Variants in DNAJC10 observed in about 807,000 individuals in gnomAD.
DNAJC10 encodes the protein endoplasmic reticulum disulfide reductase DNAJC10.
Under a neutral mutation model 115.0 loss-of-function variants are expected in DNAJC10, and 101 were observed. That is an observed-to-expected ratio of 0.88 (90% CI 0.75 to 1.04). DNAJC10 has a LOEUF of 1.04. Ranked by LOEUF, DNAJC10 falls within the 50% of genes least tolerant of loss-of-function variation. The pLI is 0.00. For synonymous variants in DNAJC10, 307 were observed against 301.5 expected (o/e 1.02, Z -0.19); for missense variants, 981 against 928.8 (o/e 1.06, Z -0.73).
chr2:182,757,344 C>A (rs539896419), intron 18 of DNAJC10, among the ~76,000 whole-genome samples: 1 of 152,120 alleles, frequency 6.6e-6, no homozygotes, highest in African/African-American at 2.4e-5. Flanking sequence ...ACATTAGACA[C>A]CTACAAAGCT....
chr2:182,740,399 T>C lies in DNAJC10; in HGVS notation c.1077+11T>C. 6.4e-7 allele frequency: 1 copy of C among 1,553,832 alleles called. No individual in the cohort carries two copies. Among genetic ancestry groups the C allele is most frequent in the Non-Finnish European group, 8.6e-7 (1 of 1,158,470 alleles). On this transcript the variant is annotated intron_variant, in intron 12 of 23. Coordinates refer to ENST00000264065, the MANE Select transcript of DNAJC10 (RefSeq NM_018981.4). The stretch of plus-strand genomic sequence containing the variant: ...GCAAACACACTAGAGGTAATGTTTT[T>C]ATTAATAATGATAAGTAGCAATGAA...
At position 182,757,840 on chromosome 2, in the gene DNAJC10, A is replaced by G; in HGVS notation, c.1943+15A>G. ...TATCATTATCAGTAAGTATTCTCTC[A>G]TATTTGAAGACATTTATTATAATTA... On this transcript the variant is annotated intron_variant, in intron 19 of 23. Coordinates refer to ENST00000264065, the MANE Select transcript of DNAJC10 (RefSeq NM_018981.4). 1 of 1,336,452 alleles carries G rather than the reference A, an allele frequency of 7.5e-7. No individual in the cohort carries two copies. The highest frequency in any genetic ancestry group is 1.0e-6 in the Non-Finnish European group (1 of 957,894). 82.8% of individuals were successfully genotyped at this position (1,336,452 alleles called of 1,614,324 possible). A position where few individuals can be genotyped will look rare whatever the true frequency, so the allele number is the denominator to read the frequency against.
chr2:182,793,042 T>G lies in DNAJC10; in HGVS notation c.*15910T>G, dbSNP rs983371599. The G allele has an allele frequency of 6.6e-6, 1 of 152,240 alleles. No homozygotes were observed. The highest frequency in any genetic ancestry group is 1.5e-5 in the Non-Finnish European group (1 of 68,180). The allele number at this position is 152,240 out of a possible 1,614,324, so 9.4% of individuals were successfully genotyped here. On this transcript the variant is annotated 3_prime_UTR_variant, in exon 24 of 24. Transcript: ENST00000264065. ...GGCAGCAGCAGGAGAGTTTCGGTAT[T>G]AAATAGGGTGGACAGGGCAGGTCTC...
chr2:182,721,747 A>G lies in DNAJC10; in HGVS notation c.368-278A>G, dbSNP rs75989488. On this transcript the variant is annotated intron_variant, in intron 4 of 23. Transcript: ENST00000264065. Reference sequence around the variant, plus strand: ...CTGTAATTATTTTTAAAACCATAATATAAATTTTATATGGAGGTAAAATTA... The same window carrying G: ...CTGTAATTATTTTTAAAACCATAATGTAAATTTTATATGGAGGTAAAATTA... Among the ~76,000 whole-genome samples, 31 of 152,254 alleles carry G rather than the reference A, an allele frequency of 2.0e-4. No homozygotes were observed. The East Asian group carries it at 5.4e-3, about 27-fold the overall frequency.
intron 22 of DNAJC10, among the ~76,000 whole-genome samples, chr2:182,766,793 G>A (rs288293): frequency 0.64 from 97,883 of 151,888 alleles, 31,876 homozygotes; most frequent in Middle Eastern, 0.73. Flanking sequence ...ACAAATGTTC[G>A]CTGACCGGGG....
chr2:182,762,345 A>G (rs1450464746), intron 21 of DNAJC10, among the ~76,000 whole-genome samples: 1 of 152,106 alleles, frequency 6.6e-6, no homozygotes, highest in African/African-American at 2.4e-5. Context: ...GTCCTACCAC[A>G]GCACACCCCC....
chr2:182,752,444 C>T (rs1694047379), intron 16 of DNAJC10: 1 of 364,126 alleles, frequency 2.7e-6, no homozygotes. Context: ...TCATTAACTT[C>T]ATAAAATGCT....
In DNAJC10 at chr2:182,743,713, G is replaced by A; in HGVS notation, c.1306+1G>A. The A allele has an allele frequency of 6.4e-7, 1 of 1,562,488 alleles. No homozygotes were observed. The highest frequency in any genetic ancestry group is 1.2e-5 in the South Asian group (1 of 85,370). On this transcript the variant is annotated splice_donor_variant, in intron 14 of 23. Transcript: ENST00000264065. LOFTEE classifies it high-confidence loss of function. ...ACCAAAGAATATGAAATTCATCATG[G>A]TAAGAATGGAAAAAAATGATAAAAA...
At chr2:182,757,449 A>G (rs1451018386) in intron 18 of DNAJC10, among the ~76,000 whole-genome samples, 2 of 152,210 alleles carry the variant, frequency 1.3e-5, no homozygotes, top group Non-Finnish European at 2.9e-5. Context: ...TTTCTCATGT[A>G]ACAGTTAAAT....
chr2:182,722,192 T>G, intron 5 of DNAJC10, 117 bp downstream of exon 5: 1 of 657,916 alleles, frequency 1.5e-6, no homozygotes, highest in South Asian at 2.0e-5. Flanking sequence ...ACAGTAATAA[T>G]GTAATATACT....
chr2:182,752,337 G>A, intron 16 of DNAJC10, 149 bp downstream of exon 16: 1 of 459,568 alleles, frequency 2.2e-6, no homozygotes, highest in East Asian at 3.4e-5. Context: ...AATATTTTTA[G>A]AAAGTGGTAT....
At position 182,790,844 on chromosome 2, in the gene DNAJC10, C is replaced by G. The variant is rs1365949772; in HGVS notation, c.*13712C>G. The G allele has an allele frequency of 6.6e-6, 1 of 151,158 alleles. No homozygotes were observed. Among genetic ancestry groups the G allele is most frequent in the Non-Finnish European group, 1.5e-5 (1 of 67,788 alleles). 9.4% of individuals were successfully genotyped at this position (151,158 alleles called of 1,614,324 possible). On this transcript the variant is annotated 3_prime_UTR_variant, in exon 24 of 24. Coordinates refer to ENST00000264065, the MANE Select transcript of DNAJC10 (RefSeq NM_018981.4). ...TAATTATGCCTTCTAACACTAAAAT[C>G]AAATAACCTTACTTATCAGTTACAT...
rs1021628012 is a variant in DNAJC10, at chr2:182,782,096, CTT to C, written c.*4966_*4967del. 6.6e-6 allele frequency: 1 copy of C among 152,130 alleles called. No individual in the cohort carries two copies. Among genetic ancestry groups the C allele is most frequent in the East Asian group, 1.9e-4 (1 of 5,200 alleles). 9.4% of individuals were successfully genotyped at this position (152,130 alleles called of 1,614,324 possible). ...ATGGTTTCAGACCTTACATTTAAGT[CTT>C]TAATCTATCAACTTAATTTTTATAT... is the stretch of plus-strand genomic sequence containing the variant. On this transcript the variant is annotated 3_prime_UTR_variant, in exon 24 of 24. Transcript: ENST00000264065.
At chr2:182,749,512 G>A (rs1280300001) in intron 14 of DNAJC10, among the ~76,000 whole-genome samples, 4 of 149,908 alleles carry the variant, frequency 2.7e-5, no homozygotes, top group African/African-American at 9.9e-5. Flanking sequence ...TTGCTTGGTA[G>A]ATCTTCCTCC....
chr2:182,771,584 A>G (rs1194058054), intron 22 of DNAJC10, among the ~76,000 whole-genome samples: 4 of 151,970 alleles, frequency 2.6e-5, no homozygotes, highest in African/African-American at 9.7e-5. Flanking sequence ...GAATTTATCC[A>G]TTTCTTCTAG....
intron 21 of DNAJC10, among the ~76,000 whole-genome samples, chr2:182,762,318 C>CA (rs1375224119): frequency 2.0e-5 from 3 of 151,960 alleles, no homozygotes; most frequent in Non-Finnish European, 4.4e-5. Flanking sequence ...CTTCACGAGA[C>CA]AAAGAGTGCC....
Position 182,716,476 on chromosome 2 carries a change from A to G in DNAJC10, c.-211A>G, listed in dbSNP as rs1692994056. The G allele has an allele frequency of 6.6e-6, 1 of 152,492 alleles. No homozygotes were observed. The highest frequency in any genetic ancestry group is 1.5e-5 in the Non-Finnish European group (1 of 68,282). The allele number at this position is 152,492 out of a possible 1,614,324, so 9.4% of individuals were successfully genotyped here. On this transcript the variant is annotated 5_prime_UTR_variant, in exon 1 of 24. An upstream start codon of the reference 5' UTR is lost. Coordinates refer to ENST00000264065, the MANE Select transcript of DNAJC10 (RefSeq NM_018981.4). ...AGTAGCTACAGGAAGCGACCCCGCG[A>G]TGGCAAGGTGGGCATGGGCCCGGGG...
Position 182,741,272 on chromosome 2 carries a change from A to G in DNAJC10, c.1107A>G (p.Leu369=). 1 of 1,604,958 alleles carries G rather than the reference A, an allele frequency of 6.2e-7. No individual in the cohort carries two copies. Among genetic ancestry groups the G allele is most frequent in the Non-Finnish European group, 8.5e-7 (1 of 1,177,004 alleles). The change falls in exon 13 of 24, where the codon TTA becomes TTG. Residue 369 remains leucine (L), a synonymous_variant. Transcript: ENST00000264065. ...EDRLAHHRWL[L]FFHFGKNENS... ...GTTTGGCTCATCATCGGTGGCTGTT[A>G]TTTTTTCATTTTGGAAAAAATGAAA...
chr2:182,752,248 G>A (rs1694042083), intron 16 of DNAJC10, 60 bp downstream of exon 16: 3 of 846,494 alleles, frequency 3.5e-6, no homozygotes, highest in Admixed American at 5.3e-5. Flanking sequence ...CCTTTTGGCT[G>A]TTTATTATTA....
Sources: allele counts gnomAD v4.1 joint callset (sites outside exome capture counted in the v4.1 genomes callset), GRCh38; gene constraint gnomAD v4.1.1; transcripts MANE v1.5; gene names NCBI Gene and HGNC (gene_info 2026-07-23, HGNC 2026-07-21).